NDST3: variants seen among roughly 807,000 people sequenced by gnomAD.
NDST3 encodes the protein N-deacetylase and N-sulfotransferase 3, also known as bifunctional heparan sulfate N-deacetylase/N-sulfotransferase 3.
NDST3 carries 58 observed loss-of-function variants against 96.1 expected under a neutral mutation model. The ratio of observed to expected loss-of-function variants is 0.60; its 90% CI spans 0.49 to 0.75. The LOEUF is 0.75. NDST3 is among the 30% of genes least tolerant of loss of function. NDST3 has a pLI of 0.00. For synonymous variants in NDST3, 333 were observed against 359.7 expected (o/e 0.93, Z 0.84); for missense variants, 788 against 1,034.2 (o/e 0.76, Z 3.27).
At chr4:118,244,085 A>C (rs1741162991) in intron 12 of NDST3, among the ~76,000 whole-genome samples, 1 of 152,196 alleles carries the variant, frequency 6.6e-6, no homozygotes, top group Non-Finnish European at 1.5e-5. Context: ...CTCACCCTGC[A>C]GGTGGAGATA....
chr4:118,109,204 A>G (rs2125857008), intron 3 of NDST3, among the ~76,000 whole-genome samples: 1 of 152,320 alleles, frequency 6.6e-6, no homozygotes, highest in African/African-American at 2.4e-5. Context: ...TCCTAACTTC[A>G]GGATGATTAT....
At chr4:118,078,595 A>G (rs554096264) in intron 2 of NDST3, among the ~76,000 whole-genome samples, 11 of 152,082 alleles carry the variant, frequency 7.2e-5, no homozygotes, top group Admixed American at 3.9e-4. Flanking sequence ...TACTAAATAC[A>G]AAAATTAGTT....
chr4:118,178,117 C>T lies in NDST3; in HGVS notation c.1539+34433C>T, dbSNP rs542537831. 1.8e-3 allele frequency among the ~76,000 whole-genome samples: 266 copies of T among 151,618 alleles called. 2 individuals are homozygous for T. Among genetic ancestry groups the T allele is most frequent in the African/African-American group, 6.0e-3 (250 of 41,406 alleles). On this transcript the variant is annotated intron_variant, in intron 6 of 13. Coordinates refer to ENST00000296499, the MANE Select transcript of NDST3 (RefSeq NM_004784.3). ...CCTTTTAAAAATTGTATTATATCTA[C>T]GACATCCATATAACAAGGCTGAAAT...
chr4:118,144,808 C>A (rs567547888), intron 6 of NDST3, among the ~76,000 whole-genome samples: 2 of 151,952 alleles, frequency 1.3e-5, no homozygotes, highest in Admixed American at 1.3e-4. Flanking sequence ...ATTTGCAAAA[C>A]CCCTCTCTTG....
At chr4:118,041,202 C>T (rs1724445371) in intron 1 of NDST3, among the ~76,000 whole-genome samples, 1 of 152,012 alleles carries the variant, frequency 6.6e-6, no homozygotes, top group African/African-American at 2.4e-5. Flanking sequence ...GTTATCTTCC[C>T]AGGTGTATGG....
At chr4:118,053,199 T>A (rs903544960) in intron 1 of NDST3, among the ~76,000 whole-genome samples, 2 of 152,026 alleles carry the variant, frequency 1.3e-5, no homozygotes, top group Non-Finnish European at 2.9e-5. Flanking sequence ...AATTGCATTG[T>A]GGGACCATAT....
intron 8 of NDST3, among the ~76,000 whole-genome samples, chr4:118,232,744 GAC>G (rs1248559366): frequency 1.3e-5 from 2 of 151,920 alleles, no homozygotes; most frequent in African/African-American, 4.8e-5. Flanking sequence ...GAAGCTAAAA[GAC>G]AAAGTCACAG....
At chr4:118,150,359 T>A (rs912583562) in intron 6 of NDST3, among the ~76,000 whole-genome samples, 1 of 152,074 alleles carries the variant, frequency 6.6e-6, no homozygotes, top group African/African-American at 2.4e-5. Context: ...CCAAAAGCAA[T>A]GGCAACAAAA....
intron 2 of NDST3, among the ~76,000 whole-genome samples, chr4:118,076,788 G>A (rs1727575749): frequency 6.6e-6 from 1 of 151,876 alleles, no homozygotes; most frequent in South Asian, 2.1e-4. Context: ...TGAATTCTAC[G>A]CCTGTTATTT....
intron 3 of NDST3, among the ~76,000 whole-genome samples, chr4:118,111,665 T>C (rs1730651966): frequency 6.6e-6 from 1 of 151,810 alleles, no homozygotes; most frequent in Admixed American, 6.6e-5. Context: ...GCCTCCTGAG[T>C]AGCTGGGACT....
chr4:118,092,225 G>GAT (rs1553930232), intron 2 of NDST3, among the ~76,000 whole-genome samples: 1 of 146,458 alleles, frequency 6.8e-6, no homozygotes, highest in East Asian at 2.0e-4. Context: ...TATTTTCATT[G>GAT]TTTTTTTTTT....
chr4:118,068,115 A>C (rs887655422), intron 2 of NDST3, among the ~76,000 whole-genome samples: 4 of 151,278 alleles, frequency 2.6e-5, no homozygotes, highest in African/African-American at 9.7e-5. Context: ...AATTAAAACT[A>C]ATCCTTCTGG....
rs1166718181 is a variant in NDST3 at position 118,257,891 on chromosome 4, A to G, written c.*2179A>G. 2 of 152,230 alleles carry G rather than the reference A, an allele frequency of 1.3e-5. No individual in the cohort carries two copies. Among genetic ancestry groups the G allele is most frequent in the Non-Finnish European group, 2.9e-5 (2 of 68,038 alleles). 9.4% of individuals were successfully genotyped at this position (152,230 alleles called of 1,614,324 possible). On this transcript the variant is annotated 3_prime_UTR_variant, in exon 14 of 14. Transcript: ENST00000296499. ...GCTAGGAAAATTACTATAGTCTTCC[A>G]TCTCCACCAACTTAAGAAAACTGGC... is the stretch of plus-strand genomic sequence containing the variant.
At chr4:118,199,353 T>A (rs1737914804) in intron 6 of NDST3, among the ~76,000 whole-genome samples, 1 of 152,194 alleles carries the variant, frequency 6.6e-6, no homozygotes, top group South Asian at 2.1e-4. Flanking sequence ...AGTCTGATGA[T>A]TTCTTCAGCA....
intron 6 of NDST3, among the ~76,000 whole-genome samples, chr4:118,163,829 C>G (rs1052945023): frequency 6.6e-6 from 1 of 151,824 alleles, no homozygotes; most frequent in Non-Finnish European, 1.5e-5. Flanking sequence ...ATGGCTATTA[C>G]TAAAAAGTCA....
At chr4:118,170,577 A>T (rs937216909) in intron 6 of NDST3, among the ~76,000 whole-genome samples, 3 of 152,056 alleles carry the variant, frequency 2.0e-5, no homozygotes, top group African/African-American at 7.2e-5. Context: ...AAAATACAAA[A>T]AATTAGCCAG....
chr4:118,039,532 T>A (rs1724329328), intron 1 of NDST3, among the ~76,000 whole-genome samples: 1 of 152,078 alleles, frequency 6.6e-6, no homozygotes, highest in Non-Finnish European at 1.5e-5. Flanking sequence ...TGGAGAAAAA[T>A]TGCATAACTA....
intron 6 of NDST3, among the ~76,000 whole-genome samples, chr4:118,150,117 T>C (rs1203578076): frequency 6.6e-6 from 1 of 152,026 alleles, no homozygotes; most frequent in African/African-American, 2.4e-5. Flanking sequence ...CACTTGATCA[T>C]GGTGGATAAG....
At chr4:118,084,512 G>A (rs1021282663) in intron 2 of NDST3, among the ~76,000 whole-genome samples, 1 of 152,076 alleles carries the variant, frequency 6.6e-6, no homozygotes, top group Non-Finnish European at 1.5e-5. Flanking sequence ...TAGTGTTTCT[G>A]AAATCTCTCT....
Sources: gnomAD v4.1 joint callset for allele counts (sites outside exome capture counted in the v4.1 genomes callset) on GRCh38, gnomAD v4.1.1 for gene constraint, MANE v1.5 for transcripts, NCBI Gene and HGNC (gene_info 2026-07-23, HGNC 2026-07-21) for gene names.